LRP11: variants seen among roughly 807,000 people sequenced by gnomAD.
LRP11 encodes low-density lipoprotein receptor-related protein 11.
In LRP11, 25 loss-of-function variants were observed where a neutral mutation model predicts 43.1. That is an observed-to-expected ratio of 0.58 (90% CI 0.42 to 0.81). The LOEUF is 0.81. LRP11 is among the 30% of genes least tolerant of loss of function. The probability of loss-of-function intolerance (pLI) is 0.00; values close to 1 mark genes in which losing one functional copy is unlikely to be tolerated. For missense variants in LRP11, 623 were observed against 665.1 expected (o/e 0.94, Z 0.70); for synonymous variants, 316 against 299.4 (o/e 1.06, Z -0.57).
chr6:149,820,596 T>C lies in LRP11; in HGVS notation c.1456A>G (p.Ile486Val), dbSNP rs769928405. Residue 486 changes from isoleucine to valine, a missense_variant, in exon 7 of 7, where the codon ATT becomes GTT. Physicochemically the swap from Ile to Val is conservative, Grantham distance 29. Transcript: ENST00000239367. ...VKQKLKKARP[I>V]TSEESDYLIN... ...AGGTAGTCCGATTCCTCAGATGTAA[T>C]GGGACGAGCTTTTTTCAGTTTCTGT... The C allele has an allele frequency of 1.3e-6, 1 of 781,026 alleles. No individual in the cohort carries two copies. Among genetic ancestry groups the C allele is most frequent in the African/African-American group, 1.7e-5 (1 of 59,252 alleles). 48.4% of individuals were successfully genotyped at this position (781,026 alleles called of 1,614,324 possible).
Position 149,853,115 on chromosome 6 carries a change from A to G in LRP11, c.659T>C (p.Leu220Pro), listed in dbSNP as rs1434867420. 2 of 1,611,904 alleles carry G rather than the reference A, an allele frequency of 1.2e-6. No individual in the cohort carries two copies. The highest frequency in any genetic ancestry group is 1.1e-5 in the South Asian group (1 of 90,768). The change falls in exon 2 of 7, where the codon CTG becomes CCG. Residue 220 changes from leucine to proline, a missense_variant. Coordinates refer to ENST00000239367, the MANE Select transcript of LRP11 (RefSeq NM_032832.6). The stretch of plus-strand genomic sequence containing the variant: ...AACCACCCCGTCTGTGGGCAGATGC[A>G]GAACCACATCCTGCCCAGCCTTGCT... ...PLSKAGQDVV[L>P]HLPTDGVVLD...
intron 3 of LRP11, among the ~76,000 whole-genome samples, chr6:149,838,720 TCC>T (rs1210978915): frequency 6.6e-6 from 1 of 151,790 alleles, no homozygotes; most frequent in Non-Finnish European, 1.5e-5. Context: ...ACGACATTTC[TCC>T]CTTCTGGAGT....
chr6:149,829,669 C>CT (rs1776384261), intron 5 of LRP11, among the ~76,000 whole-genome samples: 1 of 151,940 alleles, frequency 6.6e-6, no homozygotes, highest in South Asian at 2.1e-4. Context: ...TTTCAGAGGA[C>CT]TAACTGGTTT....
intron 5 of LRP11, among the ~76,000 whole-genome samples, chr6:149,831,632 G>C (rs1001125263): frequency 9.2e-5 from 14 of 152,184 alleles, no homozygotes; most frequent in African/African-American, 3.4e-4. Flanking sequence ...AACCTGTGTG[G>C]AATAAATCCC....
At chr6:149,826,985 T>TC (rs1352269418) in intron 5 of LRP11, among the ~76,000 whole-genome samples, 1 of 151,636 alleles carries the variant, frequency 6.6e-6, no homozygotes, top group African/African-American at 2.4e-5. Context: ...TTTTTTTTTT[T>TC]TTTGAGACAG....
intron 3 of LRP11, chr6:149,842,737 G>C: frequency 6.7e-7 from 1 of 1,503,496 alleles, no homozygotes; most frequent in Non-Finnish European, 9.1e-7. Context: ...GTCGAGTCAA[G>C]AGAAGCGGGA....
chr6:149,863,889 C>A lies in LRP11; in HGVS notation c.132G>T (p.Pro44=). 6.7e-7 allele frequency: 1 copy of A among 1,489,834 alleles called. No homozygotes were observed. The highest frequency in any genetic ancestry group is 8.9e-7 in the Non-Finnish European group (1 of 1,127,658). The allele number at this position is 1,489,834 out of a possible 1,614,324, so 92.3% of individuals were successfully genotyped here. ...SGRAALPPAA[P]LSELHAQLSG... ...ACAGCTGCGCGTGCAGTTCGGACAG[C>A]GGCGCCGCGGGCGGCAAGGCCGCAC... is the stretch of plus-strand genomic sequence containing the variant. The change falls in exon 1 of 7, where the codon CCG becomes CCT. Residue 44 remains proline, a synonymous_variant. Transcript: ENST00000239367.
chr6:149,824,554 G>A (rs562970588), intron 6 of LRP11, among the ~76,000 whole-genome samples: 155 of 152,176 alleles, frequency 1.0e-3, no homozygotes, highest in African/African-American at 2.9e-3. Flanking sequence ...TATGAATGGG[G>A]GTGACATTTA....
Position 149,863,869 on chromosome 6 carries a change from T to G in LRP11, c.152A>C (p.Gln51Pro). ...PAAPLSELHA[Q>P]LSGVEQLLEE... ...CAGCAGCTGCTCCACGCCCGACAGCTGCGCGTGCAGTTCGGACAGCGGCGC... is the reference window on the plus strand; with the variant it reads ...CAGCAGCTGCTCCACGCCCGACAGCGGCGCGTGCAGTTCGGACAGCGGCGC... Residue 51 changes from glutamine to proline, a missense_variant, in exon 1 of 7, where the codon CAG (glutamine) becomes CCG (proline). Coordinates refer to ENST00000239367, the MANE Select transcript of LRP11 (RefSeq NM_032832.6). 6.7e-7 allele frequency: 1 copy of G among 1,501,350 alleles called. No individual in the cohort carries two copies. Among genetic ancestry groups the G allele is most frequent in the Non-Finnish European group, 8.8e-7 (1 of 1,133,550 alleles). 93.0% of individuals were successfully genotyped at this position (1,501,350 alleles called of 1,614,324 possible).
chr6:149,852,231 GT>G (rs111413559), intron 2 of LRP11, among the ~76,000 whole-genome samples: 1,705 of 152,256 alleles, frequency 0.011, 33 homozygotes, highest in African/African-American at 0.04. Flanking sequence ...TTCCAGATTT[GT>G]TTTTGTTTTG....
chr6:149,849,158 C>T (rs924193383), intron 2 of LRP11, among the ~76,000 whole-genome samples: 3 of 152,120 alleles, frequency 2.0e-5, no homozygotes, highest in East Asian at 3.9e-4. Flanking sequence ...AAGCAACTGA[C>T]GAATGTAAAT....
At chr6:149,849,730 C>CAATG (rs1306413787) in intron 2 of LRP11, among the ~76,000 whole-genome samples, 1 of 152,106 alleles carries the variant, frequency 6.6e-6, no homozygotes, top group Non-Finnish European at 1.5e-5. Context: ...GAGACCCTGT[C>CAATG]AATGAATGAA....
intron 3 of LRP11, among the ~76,000 whole-genome samples, chr6:149,840,697 G>T (rs1562440814): frequency 6.6e-6 from 1 of 152,182 alleles, no homozygotes; most frequent in Non-Finnish European, 1.5e-5. Flanking sequence ...CTTCCTCCCA[G>T]AGTCAGCACT....
Position 149,863,491 on chromosome 6 carries a change from A to AGC in LRP11, c.528_529dup (p.Leu177ArgfsTer54), listed in dbSNP as rs1776969462. ...GCTGTAGCTGCTGTAGCCGCTGTGC[A>AGC]GCGCGAACTTGCAGACGTTGCGGCC... On this transcript the variant is annotated frameshift_variant, in exon 1 of 7. Coordinates refer to ENST00000239367, the MANE Select transcript of LRP11 (RefSeq NM_032832.6). LOFTEE classifies it high-confidence loss of function. 3.7e-6 allele frequency: 5 copies of AGC among 1,344,424 alleles called. No individual in the cohort carries two copies. Among genetic ancestry groups the AGC allele is most frequent in the Non-Finnish European group, 4.7e-6 (5 of 1,056,772 alleles). The allele number at this position is 1,344,424 out of a possible 1,614,324, so 83.3% of individuals were successfully genotyped here.
intron 1 of LRP11, among the ~76,000 whole-genome samples, chr6:149,859,396 A>ATATATATATTTTTTTTTTTTTTTTT: frequency 8.4e-5 from 6 of 71,496 alleles, no homozygotes; most frequent in African/African-American, 4.9e-4. Context: ...ATATATATAT[A>ATATATATATTTTTTTTTTTTTTTTT]TTTTTTTTTT....
In LRP11 at chr6:149,864,156, C is replaced by T. The variant is rs1776998258; in HGVS notation, c.-136G>A. The T allele has an allele frequency of 2.6e-6, 3 of 1,149,668 alleles. No individual in the cohort carries two copies. Among genetic ancestry groups the T allele is most frequent in the Admixed American group, 4.8e-5 (1 of 20,970 alleles). 71.2% of individuals were successfully genotyped at this position (1,149,668 alleles called of 1,614,324 possible). A position where few individuals can be genotyped will look rare whatever the true frequency, so the allele number is the denominator to read the frequency against. ...TAGGCCCCGGCCTCACAGCGCGGCGCCCCCGAACCCGGCTGCTCCCCCGAG... is the reference window on the plus strand; with the variant it reads ...TAGGCCCCGGCCTCACAGCGCGGCGTCCCCGAACCCGGCTGCTCCCCCGAG... On this transcript the variant is annotated 5_prime_UTR_variant, in exon 1 of 7. Transcript: ENST00000239367.
chr6:149,860,545 T>TC (rs747093057), intron 1 of LRP11, among the ~76,000 whole-genome samples: 1 of 151,724 alleles, frequency 6.6e-6, no homozygotes, highest in African/African-American at 2.4e-5. Flanking sequence ...ACAAAGCATG[T>TC]CCCCCCTTGA....
At chr6:149,828,574 G>A (rs1374842019) in intron 5 of LRP11, among the ~76,000 whole-genome samples, 3 of 151,032 alleles carry the variant, frequency 2.0e-5, no homozygotes, top group African/African-American at 7.3e-5. Context: ...CTGCAGCCTC[G>A]ACTTCCCAGG....
At position 149,842,989 on chromosome 6, in the gene LRP11, T is replaced by C; in HGVS notation, c.907A>G (p.Thr303Ala). 1 of 1,614,162 alleles carries C rather than the reference T, an allele frequency of 6.2e-7. No homozygotes were observed. The highest frequency in any genetic ancestry group is 8.5e-7 in the Non-Finnish European group (1 of 1,180,028). ...SVTVLRAAYS[T>A]GGCLHTCSRY... ...GGAAGGACTTTCTTCTCACCTCCTG[T>C]GGAGTAGGCTGCGCGAAGCACTGTC... is the stretch of plus-strand genomic sequence containing the variant. The change falls in exon 3 of 7, where the codon ACA becomes GCA. Residue 303 changes from threonine (T) to alanine (A), a missense_variant. Physicochemically the swap from Thr to Ala is moderately conservative, Grantham distance 58. Transcript: ENST00000239367.
Sources: gnomAD v4.1 joint callset for allele counts (sites outside exome capture counted in the v4.1 genomes callset) on GRCh38, gnomAD v4.1.1 for gene constraint, MANE v1.5 for transcripts, NCBI Gene and HGNC (gene_info 2026-07-23, HGNC 2026-07-21) for gene names.